The following RNLS variants were observed in gnomAD, a reference collection of about 807,000 sequenced individuals.
RNLS encodes renalase, FAD dependent amine oxidase.
RNLS carries 39 observed loss-of-function variants against 39.8 expected under a neutral mutation model. The ratio of observed to expected loss-of-function variants is 0.98; its 90% confidence interval spans 0.76 to 1.28. The LOEUF (loss-of-function observed/expected upper bound fraction) is 1.28. RNLS is among the 50% of genes most tolerant of loss of function. The pLI is 0.00. For synonymous variants in RNLS, 147 were observed against 150.7 expected (o/e 0.98, Z 0.18); for missense variants, 410 against 413.3 (o/e 0.99, Z 0.07).
the RNLS span, among the ~76,000 whole-genome samples, chr10:88,203,223 AGTGT>A: frequency 0.024 from 275 of 11,230 alleles, 12 homozygotes; most frequent in Middle Eastern, 0.071. Flanking sequence ...GATAGCAAAA[AGTGT>A]GTGTGTGTGT....
At chr10:88,551,607 C>A (rs1310750523) in intron 4 of RNLS, among the ~76,000 whole-genome samples, 5 of 151,696 alleles carry the variant, frequency 3.3e-5, no homozygotes, top group African/African-American at 7.3e-5. Flanking sequence ...TGCTTGTGAT[C>A]ATAATACACA....
chr10:88,297,125 G>A (rs1162277358), intron 6 of RNLS, among the ~76,000 whole-genome samples: 1 of 152,128 alleles, frequency 6.6e-6, no homozygotes, highest in Non-Finnish European at 1.5e-5. Flanking sequence ...TTTTTGTGAG[G>A]ATGCATGTCT....
At chr10:88,281,330 G>A (rs974823410), downstream of RNLS, among the ~76,000 whole-genome samples, 7 of 152,226 alleles carry the variant, frequency 4.6e-5, no homozygotes, top group Admixed American at 1.3e-4. Flanking sequence ...TGACTGAGGC[G>A]TCTCTGTATT....
the RNLS span, among the ~76,000 whole-genome samples, chr10:88,203,413 C>T: frequency 0.11 from 135 of 1,232 alleles, 43 homozygotes; most frequent in African/African-American, 0.21. Flanking sequence ...TATATATATA[C>T]ACGTATGTGT....
At chr10:88,468,010 C>T (rs144063311) in intron 4 of RNLS, among the ~76,000 whole-genome samples, 1 of 152,254 alleles carries the variant, frequency 6.6e-6, no homozygotes, top group Non-Finnish European at 1.5e-5. Context: ...AAAATACCCA[C>T]TGAAAATATG....
intron 6 of RNLS, among the ~76,000 whole-genome samples, chr10:88,306,400 GA>G (rs1353057757): frequency 6.6e-6 from 1 of 151,566 alleles, no homozygotes; most frequent in African/African-American, 2.4e-5. Context: ...CTGTTTTCTG[GA>G]AAAAAATTAA....
intron 4 of RNLS, among the ~76,000 whole-genome samples, chr10:88,485,826 C>A (rs188276357): frequency 7.2e-5 from 11 of 151,940 alleles, no homozygotes; most frequent in African/African-American, 2.7e-4. Flanking sequence ...AATCAGTACG[C>A]ACCGACTGAA....
intron 5 of RNLS, among the ~76,000 whole-genome samples, chr10:88,322,472 T>C (rs1846258244): frequency 2.0e-5 from 3 of 152,202 alleles, no homozygotes; most frequent in Non-Finnish European, 2.9e-5. Flanking sequence ...CATGCTGTTC[T>C]CATGACAGTG....
chr10:88,387,055 T>TAAGC (rs1171050149), intron 4 of RNLS, among the ~76,000 whole-genome samples: 3 of 152,194 alleles, frequency 2.0e-5, no homozygotes, highest in Non-Finnish European at 4.4e-5. Flanking sequence ...CAAGGGACAT[T>TAAGC]AAGCTGCTAA....
intron 4 of RNLS, among the ~76,000 whole-genome samples, chr10:88,509,244 G>A (rs1845956408): frequency 6.6e-6 from 1 of 152,078 alleles, no homozygotes; most frequent in Non-Finnish European, 1.5e-5. Flanking sequence ...TTTGACACTG[G>A]CAAACAAAGA....
intron 4 of RNLS, among the ~76,000 whole-genome samples, chr10:88,375,240 A>G (rs963889629): frequency 1.3e-5 from 2 of 152,124 alleles, no homozygotes; most frequent in Non-Finnish European, 2.9e-5. Flanking sequence ...AAACCCCAAA[A>G]TAAATTAAAA....
Position 88,583,186 on chromosome 10 carries a change from G to C in RNLS, c.5C>G (p.Ala2Gly). The change falls in exon 1 of 7, where the codon GCG (alanine) becomes GGG (glycine). Residue 2 changes from alanine (A) to glycine (G), a missense_variant. Coordinates refer to ENST00000331772, the MANE Select transcript of RNLS (RefSeq NM_001031709.3). ...CCCGGCGCCCACGATCAGCACCTGC[G>C]CCATGGCGAGAGGGAGCAGCGATCC... M[A>G]QVLIVGAGMT... 1 of 1,613,854 alleles carries C rather than the reference G, an allele frequency of 6.2e-7. No homozygotes were observed. Among genetic ancestry groups the C allele is most frequent in the South Asian group, 1.1e-5 (1 of 91,066 alleles).
At chr10:88,380,177 T>C (rs1851336153) in intron 4 of RNLS, among the ~76,000 whole-genome samples, 1 of 152,160 alleles carries the variant, frequency 6.6e-6, no homozygotes. Flanking sequence ...CTGTGTACTG[T>C]CTATTCACAA....
intron 4 of RNLS, among the ~76,000 whole-genome samples, chr10:88,544,175 T>C (rs1241150143): frequency 6.6e-6 from 1 of 152,216 alleles, no homozygotes; most frequent in Non-Finnish European, 1.5e-5. Flanking sequence ...GAGGATCTGG[T>C]GGATAGTAAG....
At chr10:88,357,677 CT>C (rs1849295943) in intron 5 of RNLS, among the ~76,000 whole-genome samples, 5 of 151,670 alleles carry the variant, frequency 3.3e-5, no homozygotes, top group Admixed American at 3.3e-4. Flanking sequence ...ACATTTCCAG[CT>C]TTCCTTCCAA....
rs1435927720 is a variant in RNLS, at chr10:88,367,297, T to C, written c.527-4572A>G. Reference sequence around the variant, plus strand: ...ACATCATAGATTACTTTAGCTGTTTTTGAACTTTACATAAACAGAATGATA... The same window carrying C: ...ACATCATAGATTACTTTAGCTGTTTCTGAACTTTACATAAACAGAATGATA... On this transcript the variant is annotated intron_variant, in intron 4 of 6. Coordinates refer to ENST00000331772, the MANE Select transcript of RNLS (RefSeq NM_001031709.3). 4.6e-5 allele frequency among the ~76,000 whole-genome samples: 7 copies of C among 152,122 alleles called. No homozygotes were observed. The East Asian group carries it at 1.2e-3, about 25-fold the overall frequency.
At chr10:88,499,016 T>C (rs2134098164) in intron 4 of RNLS, among the ~76,000 whole-genome samples, 1 of 152,298 alleles carries the variant, frequency 6.6e-6, no homozygotes, top group East Asian at 1.9e-4. Flanking sequence ...TGATTATAGA[T>C]AAAATATGAG....
At chr10:88,469,858 T>C (rs909997259) in intron 4 of RNLS, among the ~76,000 whole-genome samples, 15 of 140,698 alleles carry the variant, frequency 1.1e-4, no homozygotes, top group Non-Finnish European at 2.1e-4. Flanking sequence ...TGTGTGTGTG[T>C]GTGCTTTGCT....
intron 4 of RNLS, among the ~76,000 whole-genome samples, chr10:88,413,464 A>C (rs186121874): frequency 6.6e-6 from 1 of 152,272 alleles, no homozygotes; most frequent in East Asian, 1.9e-4. Flanking sequence ...AGCTAAGTCT[A>C]CTTTTAAGGA....
Sources: allele counts gnomAD v4.1 joint callset (sites outside exome capture counted in the v4.1 genomes callset), GRCh38; gene constraint gnomAD v4.1.1; transcripts MANE v1.5; gene names NCBI Gene and HGNC (gene_info 2026-07-23, HGNC 2026-07-21).